Variants in TMEM37 observed in about 807,000 individuals in gnomAD.
The protein encoded by TMEM37 is transmembrane protein 37, also known as voltage-dependent calcium channel gamma-like subunit.
In TMEM37, 12 loss-of-function variants were observed where a neutral mutation model predicts 11.0. The ratio of observed to expected loss-of-function variants is 1.09; its 90% CI spans 0.70 to 1.76. TMEM37 has a LOEUF of 1.76. Among genes scored for constraint, TMEM37 ranks in the 40% most tolerant of loss-of-function variants. The pLI is 0.00. For synonymous variants in TMEM37, 127 were observed against 110.5 expected, an observed-to-expected ratio of 1.15 and a Z score of -0.94; for missense variants, 203 against 251.2, an observed-to-expected ratio of 0.81 and a Z score of 1.30.
At chr2:119,430,182 C>A, upstream of TMEM37, 1 of 641,894 alleles carries the variant, frequency 1.6e-6, no homozygotes, top group Middle Eastern at 4.1e-4. Flanking sequence ...AGGGAAGGCC[C>A]CAGAGCAGAG....
chr2:119,435,838 G>A (rs538901345), intron 1 of TMEM37, among the ~76,000 whole-genome samples: 1 of 152,336 alleles, frequency 6.6e-6, no homozygotes, highest in South Asian at 2.1e-4. Flanking sequence ...CTGTGGAGGA[G>A]ACTTTAAGCT....
At position 119,437,547 on chromosome 2, in the gene TMEM37, G is replaced by A. The variant is rs1401461292; in HGVS notation, c.*107G>A. 2 of 1,430,222 alleles carry A rather than the reference G, an allele frequency of 1.4e-6. No homozygotes were observed. The highest frequency in any genetic ancestry group is 1.4e-5 in the African/African-American group (1 of 70,030). The allele number at this position is 1,430,222 out of a possible 1,614,324, so 88.6% of individuals were successfully genotyped here. ...CCTCTGGTGGGGCTGGGTTGGACAAGGGCCTTGAAACGGCTGCCTGTTTGC... is the reference window on the plus strand; with the variant it reads ...CCTCTGGTGGGGCTGGGTTGGACAAAGGCCTTGAAACGGCTGCCTGTTTGC... On this transcript the variant is annotated 3_prime_UTR_variant, in exon 2 of 2. Coordinates refer to ENST00000306406, the MANE Select transcript of TMEM37 (RefSeq NM_183240.3).
At chr2:119,435,320 G>A (rs1014116443) in intron 1 of TMEM37, among the ~76,000 whole-genome samples, 6 of 152,202 alleles carry the variant, frequency 3.9e-5, no homozygotes, top group African/African-American at 1.4e-4. Context: ...CTCACACAGA[G>A]AGGAGTGGCC....
chr2:119,430,043 A>G (rs978456331), upstream of TMEM37: 8 of 1,400,542 alleles, frequency 5.7e-6, no homozygotes, highest in Admixed American at 1.6e-4. Flanking sequence ...CTTAGGGCTC[A>G]GTGAAAGGAT....
chr2:119,431,492 A>G (rs1682392600), upstream of TMEM37, among the ~76,000 whole-genome samples: 1 of 152,224 alleles, frequency 6.6e-6, no homozygotes, highest in Non-Finnish European at 1.5e-5. Flanking sequence ...CAGAGGCTGG[A>G]CTCAGCAAGC....
chr2:119,434,975 G>A (rs1022384446), intron 1 of TMEM37, among the ~76,000 whole-genome samples: 5 of 152,184 alleles, frequency 3.3e-5, no homozygotes, highest in Non-Finnish European at 7.3e-5. Flanking sequence ...TTCGCTGAAC[G>A]GATTCCACCT....
intron 1 of TMEM37, among the ~76,000 whole-genome samples, chr2:119,433,628 A>G (rs1408142786): frequency 3.9e-5 from 6 of 152,164 alleles, no homozygotes; most frequent in South Asian, 2.1e-4. Context: ...ACCCTATTCT[A>G]TAGGTCACTA....
At chr2:119,434,990 C>A (rs745603885) in intron 1 of TMEM37, among the ~76,000 whole-genome samples, 1 of 152,190 alleles carries the variant, frequency 6.6e-6, no homozygotes, top group Non-Finnish European at 1.5e-5. Context: ...CCACCTCCTG[C>A]ATATCATACA....
chr2:119,429,952 A>AT, upstream of TMEM37: 3 of 1,550,528 alleles, frequency 1.9e-6, no homozygotes, highest in Non-Finnish European at 2.6e-6. Context: ...TGTTCTTCTG[A>AT]TTTTAATTCC....
At chr2:119,436,282 G>A (rs531713234) in intron 1 of TMEM37, among the ~76,000 whole-genome samples, 4 of 152,282 alleles carry the variant, frequency 2.6e-5, no homozygotes, top group East Asian at 1.9e-4. Flanking sequence ...GGTACAGGCC[G>A]CACAGGTCTG....
rs903247468 is a variant in TMEM37 at position 119,437,802 on chromosome 2, A to C, written c.*362A>C. ...TGGTACCTGAGCTAGCTGCACAGCC[A>C]AGGATAGTTCATGCCTGTTTCATTG... is the stretch of plus-strand genomic sequence containing the variant. On this transcript the variant is annotated 3_prime_UTR_variant, in exon 2 of 2. Transcript: ENST00000306406. 3.6e-6 allele frequency: 1 copy of C among 280,096 alleles called. No individual in the cohort carries two copies. Among genetic ancestry groups the C allele is most frequent in the Non-Finnish European group, 6.7e-6 (1 of 149,128 alleles). 17.4% of individuals were successfully genotyped at this position (280,096 alleles called of 1,614,324 possible). A position where few individuals can be genotyped will look rare whatever the true frequency, so the allele number is the denominator to read the frequency against.
chr2:119,434,863 C>G (rs1390126222), intron 1 of TMEM37, among the ~76,000 whole-genome samples: 2 of 152,182 alleles, frequency 1.3e-5, no homozygotes, highest in African/African-American at 4.8e-5. Flanking sequence ...TGCGGTCCCT[C>G]CCATCCAGGA....
intron 1 of TMEM37, among the ~76,000 whole-genome samples, chr2:119,435,987 G>A (rs1053861579): frequency 6.6e-6 from 1 of 152,190 alleles, no homozygotes; most frequent in African/African-American, 2.4e-5. Flanking sequence ...TGGGAGCTGA[G>A]GTTGGGTGGG....
upstream of TMEM37, among the ~76,000 whole-genome samples, chr2:119,431,088 G>T (rs1247451454): frequency 6.6e-6 from 1 of 152,048 alleles, no homozygotes; most frequent in East Asian, 1.9e-4. Flanking sequence ...GGCGAAGGTT[G>T]CAGTGAGCCG....
In TMEM37 at chr2:119,437,294, C is replaced by T; in HGVS notation, c.427C>T (p.Leu143=). The change falls in exon 2 of 2, where the codon CTG becomes TTG. Residue 143 remains leucine (L), a synonymous_variant. Coordinates refer to ENST00000306406, the MANE Select transcript of TMEM37 (RefSeq NM_183240.3). ...VSFVLSSGGL[L]GFVILLRNQV... is the part of the protein sequence containing the mutation. ...TTTCGTCCTCTCCTCCGGCGGGCTC[C>T]TGGGTTTTGTGATCCTCCTCAGGAA... The T allele has an allele frequency of 6.2e-7, 1 of 1,614,242 alleles. No homozygotes were observed. Among genetic ancestry groups the T allele is most frequent in the Non-Finnish European group, 8.5e-7 (1 of 1,180,048 alleles).
Position 119,437,471 on chromosome 2 carries a change from A to T in TMEM37, c.*31A>T, listed in dbSNP as rs758365393. On this transcript the variant is annotated 3_prime_UTR_variant, in exon 2 of 2. Transcript: ENST00000306406. ...GAAATTTTAGGCCCCCTCCAGGGAC[A>T]TCAGATTCCACAAGAAAATATGGTC... The T allele has an allele frequency of 2.1e-5, 33 of 1,585,392 alleles. No homozygotes were observed. Among genetic ancestry groups the T allele is most frequent in the Non-Finnish European group, 2.7e-5 (32 of 1,166,084 alleles).
intron 1 of TMEM37, among the ~76,000 whole-genome samples, chr2:119,434,452 G>A (rs988510516): frequency 2.0e-5 from 3 of 150,752 alleles, no homozygotes; most frequent in Non-Finnish European, 4.4e-5. Flanking sequence ...CTTTCTTACC[G>A]GTAGATTTTT....
chr2:119,431,849 G>T, upstream of TMEM37: 6 of 1,231,238 alleles, frequency 4.9e-6, no homozygotes, highest in Non-Finnish European at 6.1e-6. Flanking sequence ...GGCGCCGGCG[G>T]CCACAGCGGA....
upstream of TMEM37, among the ~76,000 whole-genome samples, chr2:119,430,687 C>T (rs141126344): frequency 9.1e-3 from 1,392 of 152,306 alleles, 21 homozygotes; most frequent in African/African-American, 0.032. Context: ...GTGAACCAGA[C>T]AATTTAATGT....
Sources: gnomAD v4.1 joint callset for allele counts (sites outside exome capture counted in the v4.1 genomes callset) on GRCh38, gnomAD v4.1.1 for gene constraint, MANE v1.5 for transcripts, NCBI Gene and HGNC (gene_info 2026-07-23, HGNC 2026-07-21) for gene names.